Variants in CLCN3 observed in about 807,000 individuals in gnomAD.
CLCN3 encodes the protein Cl-/H+ antiporter 3, also known as H(+)/Cl(-) exchange transporter 3.
In CLCN3, 16 loss-of-function variants were observed where a neutral mutation model predicts 83.4. The ratio of observed to expected loss-of-function variants is 0.19; its 90% CI spans 0.13 to 0.29. The LOEUF (loss-of-function observed/expected upper bound fraction) is 0.29, where lower values mean the gene tolerates loss of function less well. Among genes scored for constraint, CLCN3 ranks in the 10% least tolerant of loss-of-function variants. The pLI, the probability that CLCN3 is intolerant of heterozygous loss-of-function variation, is 1.00. For missense variants in CLCN3, 544 were observed against 1,006.0 expected (o/e 0.54, Z 6.21); for synonymous variants, 322 against 346.2 (o/e 0.93, Z 0.78).
At chr4:169,670,136 A>G (rs1731402494) in intron 2 of CLCN3, among the ~76,000 whole-genome samples, 1 of 151,956 alleles carries the variant, frequency 6.6e-6, no homozygotes, top group Non-Finnish European at 1.5e-5. Context: ...ATTAGATCCT[A>G]TTTGTCTGTT....
At chr4:169,718,202 G>T (rs761720535) in intron 12 of CLCN3, among the ~76,000 whole-genome samples, 5 of 151,582 alleles carry the variant, frequency 3.3e-5, no homozygotes, top group Non-Finnish European at 7.4e-5. Flanking sequence ...TGGATACACC[G>T]GTCTCAGAAG....
rs193217739 is a variant in CLCN3, at chr4:169,696,176, G to A, written c.1017+484G>A. The stretch of plus-strand genomic sequence containing the variant: ...GCGATCTTGGCTCACTGCAACCTCC[G>A]CCTCCAGGGTTCAAGTGATTCTCCT... On this transcript the variant is annotated intron_variant, in intron 8 of 12. Coordinates refer to ENST00000513761, the MANE Select transcript of CLCN3 (RefSeq NM_001829.4). Among the ~76,000 whole-genome samples, 188 of 152,066 alleles carry A rather than the reference G, an allele frequency of 1.2e-3. 3 individuals carry two copies. The East Asian group carries it at 0.03, about 24-fold the overall frequency.
chr4:169,652,309 A>G (rs970530319), intron 2 of CLCN3, among the ~76,000 whole-genome samples: 11 of 152,148 alleles, frequency 7.2e-5, no homozygotes, highest in Non-Finnish European at 1.6e-4. Flanking sequence ...AATTCATTCA[A>G]GCCAGAAATG....
intron 11 of CLCN3, among the ~76,000 whole-genome samples, chr4:169,712,249 A>G (rs1434527494): frequency 6.6e-6 from 1 of 152,004 alleles, no homozygotes; most frequent in East Asian, 1.9e-4. Context: ...CTGAATGACT[A>G]TTTTATTTTC....
At chr4:169,690,836 T>C (rs1479157119) in intron 6 of CLCN3, among the ~76,000 whole-genome samples, 184 bp downstream of exon 6, 2 of 152,194 alleles carry the variant, frequency 1.3e-5, no homozygotes, top group Non-Finnish European at 2.9e-5. Context: ...CCATAGTCAT[T>C]TGGTCATTTA....
chr4:169,685,082 G>T (rs746969488), intron 3 of CLCN3, among the ~76,000 whole-genome samples: 4 of 151,020 alleles, frequency 2.6e-5, no homozygotes, highest in African/African-American at 4.9e-5. Flanking sequence ...CTTCCAAAGT[G>T]CAGAGATTAC....
At chr4:169,666,339 A>C (rs1731245144) in intron 2 of CLCN3, among the ~76,000 whole-genome samples, 1 of 152,176 alleles carries the variant, frequency 6.6e-6, no homozygotes, top group Non-Finnish European at 1.5e-5. Context: ...AAGTTTGAAA[A>C]CCTGTTTGTA....
chr4:169,675,470 C>G (rs1182044438), intron 2 of CLCN3, among the ~76,000 whole-genome samples: 2 of 152,106 alleles, frequency 1.3e-5, no homozygotes. Context: ...CTTAAAAGTC[C>G]TATAATAAAA....
intron 2 of CLCN3, among the ~76,000 whole-genome samples, chr4:169,644,350 C>T (rs974992804): frequency 2.6e-5 from 4 of 151,696 alleles, no homozygotes; most frequent in South Asian, 2.1e-4. Context: ...CTCCGCCTCC[C>T]GGGTTCAAGC....
chr4:169,710,073 GTATT>G (rs1733151841), intron 11 of CLCN3, among the ~76,000 whole-genome samples: 1 of 152,014 alleles, frequency 6.6e-6, no homozygotes, highest in African/African-American at 2.4e-5. Flanking sequence ...AACAAAAACT[GTATT>G]TATGTAAAAG....
intron 2 of CLCN3, among the ~76,000 whole-genome samples, chr4:169,672,125 T>G (rs1339495175): frequency 1.3e-5 from 2 of 151,726 alleles, no homozygotes; most frequent in African/African-American, 4.8e-5. Flanking sequence ...GGCAGGAGAA[T>G]GGCCTGAACC....
intron 2 of CLCN3, chr4:169,660,341 T>G: frequency 7.2e-7 from 1 of 1,382,604 alleles, no homozygotes; most frequent in East Asian, 2.8e-5. Context: ...TTCTTTTTCT[T>G]TTTCTTCTTC....
At chr4:169,710,634 A>AT (rs1421592324) in intron 11 of CLCN3, among the ~76,000 whole-genome samples, 1 of 152,208 alleles carries the variant, frequency 6.6e-6, no homozygotes, top group Non-Finnish European at 1.5e-5. Context: ...GGTACTTTGT[A>AT]TATAAGAGAA....
At chr4:169,691,972 C>T (rs1462395422) in intron 6 of CLCN3, 142 bp from the exon 7 acceptor site, 7 of 560,276 alleles carry the variant, frequency 1.2e-5, no homozygotes, top group African/African-American at 5.7e-5. Flanking sequence ...GCAAAGTTTT[C>T]GAAAAATTAA....
At chr4:169,716,758 G>A (rs556031768) in intron 12 of CLCN3, among the ~76,000 whole-genome samples, 2 of 151,976 alleles carry the variant, frequency 1.3e-5, no homozygotes, top group African/African-American at 4.8e-5. Flanking sequence ...CAGCCATCAA[G>A]CTAAGTAACT....
chr4:169,697,633 C>G lies in CLCN3; in HGVS notation c.1462C>G (p.Pro488Ala), dbSNP rs1732616504. ...TGCCAGTAAAATTGTCGATGACATT[C>G]CTGATCGTCCAGCAGGCATTGGAGT... ...MNASKIVDDI[P>A]DRPAGIGVYS... Residue 488 changes from proline to alanine, a missense_variant, in exon 9 of 13, where the codon CCT becomes GCT. Around this residue, in one of 6 missense-constraint regions of CLCN3, gnomAD observed 194 missense variants for 341.4 expected, o/e 0.57. Transcript: ENST00000513761. 1 of 1,613,934 alleles carries G rather than the reference C, an allele frequency of 6.2e-7. No homozygotes were observed. Among genetic ancestry groups the G allele is most frequent in the East Asian group, 2.2e-5 (1 of 44,890 alleles).
At chr4:169,709,994 C>T (rs1253572241) in intron 11 of CLCN3, among the ~76,000 whole-genome samples, 2 of 151,754 alleles carry the variant, frequency 1.3e-5, no homozygotes, top group African/African-American at 2.4e-5. Flanking sequence ...CTACTGGGAA[C>T]GCTGATGCAG....
intron 12 of CLCN3, among the ~76,000 whole-genome samples, chr4:169,713,516 A>G (rs542818497): frequency 5.3e-5 from 8 of 152,200 alleles, no homozygotes; most frequent in Non-Finnish European, 1.2e-4. Flanking sequence ...TGACATTTGT[A>G]AATAATACCT....
chr4:169,689,222 C>A lies in CLCN3; in HGVS notation c.598C>A (p.Gln200Lys). The change falls in exon 5 of 13, where the codon CAA (glutamine) becomes AAA (lysine). Residue 200 changes from glutamine (Q) to lysine (K), a missense_variant. Transcript: ENST00000513761. ...AACATGGGCAGAATTAATCATAGGT[C>A]AAGCAGAGGTAAGTCTTGCTTTGTC... ...WKTWAELIIG[Q>K]AEGPGSYIMN... The A allele has an allele frequency of 6.2e-7, 1 of 1,610,830 alleles. No homozygotes were observed. The highest frequency in any genetic ancestry group is 1.1e-5 in the South Asian group (1 of 90,328).
Sources: allele counts gnomAD v4.1 joint callset (sites outside exome capture counted in the v4.1 genomes callset), GRCh38; gene constraint gnomAD v4.1.1; regional missense constraint gnomAD v4.1.1; transcripts MANE v1.5; gene names NCBI Gene and HGNC (gene_info 2026-07-23, HGNC 2026-07-21).